The following FHIT variants were observed in gnomAD, a reference collection of about 807,000 sequenced individuals.
The protein encoded by FHIT is bis(5'-adenosyl)-triphosphatase.
FHIT carries 19 observed loss-of-function variants against 17.9 expected under a neutral mutation model. The ratio of observed to expected loss-of-function variants is 1.06; its 90% CI spans 0.74 to 1.56. The LOEUF (loss-of-function observed/expected upper bound fraction) is 1.56. Among genes scored for constraint, FHIT ranks in the 40% most tolerant of loss-of-function variants. The pLI is 0.00. For synonymous variants in FHIT, 81 were observed against 69.7 expected, an observed-to-expected ratio of 1.16 and a Z score of -0.81; for missense variants, 248 against 189.2, an observed-to-expected ratio of 1.31 and a Z score of -1.82.
chr3:60,978,604 G>A (rs1710363133), intron 3 of FHIT, among the ~76,000 whole-genome samples: 1 of 152,180 alleles, frequency 6.6e-6, no homozygotes, highest in Non-Finnish European at 1.5e-5. Flanking sequence ...CAATCTGTGT[G>A]GTCACAGGTG....
chr3:60,995,193 C>T (rs1253214064), intron 3 of FHIT, among the ~76,000 whole-genome samples: 2 of 151,908 alleles, frequency 1.3e-5, no homozygotes, highest in Non-Finnish European at 2.9e-5. Context: ...TGGTGGCAGG[C>T]GCCTGAGTCC....
rs115240780 is a variant in FHIT at position 59,983,017 on chromosome 3, C to T, written c.279+28354G>A. Among the ~76,000 whole-genome samples, 1,400 of 152,130 alleles carry T rather than the reference C, an allele frequency of 9.2e-3. 25 individuals are homozygous for T. Among genetic ancestry groups the T allele is most frequent in the African/African-American group, 0.031 (1,308 of 41,528 alleles). On this transcript the variant is annotated intron_variant, in intron 7 of 9. Transcript: ENST00000492590. The stretch of plus-strand genomic sequence containing the variant: ...ACAATGCCACTATCTCAGCTCACTG[C>T]AACCCCCACCTCCCTGGCTCAAGCG...
intron 5 of FHIT, among the ~76,000 whole-genome samples, chr3:60,508,110 A>C (rs2034807408): frequency 6.6e-6 from 1 of 152,124 alleles, no homozygotes; most frequent in South Asian, 2.1e-4. Flanking sequence ...TATTGCAGGG[A>C]ATGTAGAGTG....
intron 5 of FHIT, among the ~76,000 whole-genome samples, chr3:60,368,858 T>G (rs1199871115): frequency 6.6e-6 from 1 of 152,178 alleles, no homozygotes; most frequent in Non-Finnish European, 1.5e-5. Flanking sequence ...TAGTCTTTTT[T>G]TTCCTGTTTA....
At chr3:60,990,084 C>T (rs2030045632) in intron 3 of FHIT, among the ~76,000 whole-genome samples, 1 of 149,328 alleles carries the variant, frequency 6.7e-6, no homozygotes, top group East Asian at 1.9e-4. Context: ...CCGCCCATCA[C>T]ACCCACAACC....
At chr3:60,737,298 T>C (rs1365874836) in intron 4 of FHIT, among the ~76,000 whole-genome samples, 1 of 152,250 alleles carries the variant, frequency 6.6e-6, no homozygotes, top group Admixed American at 6.5e-5. Context: ...AAATGCAGAA[T>C]GTAATTAGTA....
chr3:59,890,997 T>C (rs887982945), intron 8 of FHIT, among the ~76,000 whole-genome samples: 2 of 152,194 alleles, frequency 1.3e-5, no homozygotes, highest in Non-Finnish European at 2.9e-5. Flanking sequence ...GTGGCTGCTA[T>C]CAATTTTGAT....
chr3:60,677,316 C>T (rs13085845), intron 4 of FHIT, among the ~76,000 whole-genome samples: 136,501 of 152,180 alleles, frequency 0.9, 61,283 homozygotes, highest in Non-Finnish European at 0.91. Context: ...CCTCCCACCC[C>T]ATCATCATTC....
At chr3:60,737,125 A>C (rs2108000782) in intron 4 of FHIT, among the ~76,000 whole-genome samples, 1 of 152,334 alleles carries the variant, frequency 6.6e-6, no homozygotes, top group East Asian at 1.9e-4. Context: ...ACATATTGCC[A>C]CTGCCCCCAG....
intron 2 of FHIT, among the ~76,000 whole-genome samples, chr3:61,065,064 C>T (rs901556717): frequency 2.0e-5 from 3 of 152,062 alleles, no homozygotes; most frequent in Admixed American, 2.0e-4. Flanking sequence ...TTTGGCCTGT[C>T]TTATTATATA....
chr3:60,156,290 C>CAG (rs1352464996), intron 5 of FHIT, among the ~76,000 whole-genome samples: 1 of 150,440 alleles, frequency 6.6e-6, no homozygotes, highest in African/African-American at 2.5e-5. Context: ...GCAGAGGTTG[C>CAG]AGTGAGCCGA....
intron 4 of FHIT, among the ~76,000 whole-genome samples, chr3:60,736,171 T>C (rs2107998896): frequency 6.6e-6 from 1 of 152,300 alleles, no homozygotes; most frequent in Non-Finnish European, 1.5e-5. Context: ...TGTGGAGAAA[T>C]TTGAAGTCTC....
At chr3:60,610,260 T>C (rs997676497) in intron 4 of FHIT, among the ~76,000 whole-genome samples, 1 of 152,198 alleles carries the variant, frequency 6.6e-6, no homozygotes, top group Non-Finnish European at 1.5e-5. Flanking sequence ...GTACCCACCT[T>C]CATTTGCCAA....
At position 60,146,309 on chromosome 3, in the gene FHIT, A is replaced by T. The variant is rs1028377540; in HGVS notation, c.104-132157T>A. 2.0e-5 allele frequency among the ~76,000 whole-genome samples: 3 copies of T among 151,806 alleles called. No homozygotes were observed. In the South Asian group the frequency reaches 6.2e-4, roughly 32 times the overall value. ...ACTTGCAGCCAATTTCAAGCTACCAACACGCTGTCAACCAGCTCACAGAAT... is the reference window on the plus strand; with the variant it reads ...ACTTGCAGCCAATTTCAAGCTACCATCACGCTGTCAACCAGCTCACAGAAT... On this transcript the variant is annotated intron_variant, in intron 5 of 9. Coordinates refer to ENST00000492590, the MANE Select transcript of FHIT (RefSeq NM_002012.4).
intron 5 of FHIT, among the ~76,000 whole-genome samples, chr3:60,429,973 G>A (rs572675812): frequency 6.6e-6 from 1 of 151,880 alleles, no homozygotes; most frequent in South Asian, 2.1e-4. Flanking sequence ...GGCAACAGAA[G>A]ACCATGTACC....
chr3:60,359,997 CT>C (rs1190609181), intron 5 of FHIT, among the ~76,000 whole-genome samples: 2,754 of 114,766 alleles, frequency 0.024, 29 homozygotes, highest in Non-Finnish European at 0.038. Context: ...TTTTTTTTTT[CT>C]TTTTTTTTTT....
chr3:60,981,794 G>C (rs1314421824), intron 3 of FHIT, among the ~76,000 whole-genome samples: 2 of 151,832 alleles, frequency 1.3e-5, no homozygotes, highest in Non-Finnish European at 2.9e-5. Flanking sequence ...TAAGAGATGG[G>C]GTCTTGCCAT....
intron 5 of FHIT, among the ~76,000 whole-genome samples, chr3:60,230,509 T>A (rs6769478): frequency 0.036 from 5,438 of 152,188 alleles, 303 homozygotes; most frequent in African/African-American, 0.12. Flanking sequence ...TCCTTATTTT[T>A]AAAAATCGCA....
intron 5 of FHIT, among the ~76,000 whole-genome samples, chr3:60,379,893 G>T (rs2107106568): frequency 6.6e-6 from 1 of 152,298 alleles, no homozygotes; most frequent in Non-Finnish European, 1.5e-5. Context: ...TCTTTGACCA[G>T]TAGTATCTCT....
Sources: gnomAD v4.1 joint callset for allele counts (sites outside exome capture counted in the v4.1 genomes callset) on GRCh38, gnomAD v4.1.1 for gene constraint, MANE v1.5 for transcripts, NCBI Gene and HGNC (gene_info 2026-07-23, HGNC 2026-07-21) for gene names.